The following NEO1 variants were observed in gnomAD, a reference collection of about 807,000 sequenced individuals.
The protein encoded by NEO1 is neogenin.
A neutral mutation model predicts 159.7 loss-of-function variants in NEO1; 63 were observed. The ratio of observed to expected loss-of-function variants is 0.39; its 90% confidence interval spans 0.32 to 0.49. The LOEUF is 0.49. Ranked by LOEUF, NEO1 falls within the 20% of genes least tolerant of loss-of-function variation. NEO1 has a pLI of 0.85. For missense variants in NEO1, 1,615 were observed against 1,831.0 expected (o/e 0.88, Z 2.15); for synonymous variants, 633 against 662.0 (o/e 0.96, Z 0.67).
intron 2 of NEO1, among the ~76,000 whole-genome samples, chr15:73,119,677 G>A (rs988704699): frequency 2.0e-5 from 3 of 152,074 alleles, no homozygotes; most frequent in African/African-American, 7.2e-5. Context: ...AAGCTGCAGC[G>A]TTCCCTGCCT....
intron 1 of NEO1, among the ~76,000 whole-genome samples, chr15:73,072,916 A>G (rs1197423202): frequency 6.6e-6 from 1 of 152,178 alleles, no homozygotes; most frequent in East Asian, 1.9e-4. Context: ...GATGATTCCT[A>G]AGGTTCTTTA....
chr15:73,155,776 C>T (rs961248337), intron 5 of NEO1, among the ~76,000 whole-genome samples: 1 of 152,144 alleles, frequency 6.6e-6, no homozygotes, highest in Non-Finnish European at 1.5e-5. Context: ...TTTTGTAATT[C>T]CTTCAATGAA....
chr15:73,114,204 G>T (rs2071161793), intron 1 of NEO1, among the ~76,000 whole-genome samples: 1 of 152,170 alleles, frequency 6.6e-6, no homozygotes, highest in Admixed American at 6.5e-5. Context: ...AGGAGTGGTG[G>T]TGGGAATAGC....
At chr15:73,138,223 G>A (rs2151759105) in intron 5 of NEO1, among the ~76,000 whole-genome samples, 1 of 152,252 alleles carries the variant, frequency 6.6e-6, no homozygotes, top group African/African-American at 2.4e-5. Flanking sequence ...AAAAAGATTG[G>A]ATTGTACCTA....
chr15:73,127,174 T>A (rs1161380771), intron 4 of NEO1, among the ~76,000 whole-genome samples: 2 of 150,984 alleles, frequency 1.3e-5, no homozygotes, highest in Non-Finnish European at 2.9e-5. Context: ...AAGGTTGCAG[T>A]GACCTGAGAT....
intron 23 of NEO1, among the ~76,000 whole-genome samples, chr15:73,283,775 C>G (rs1469792806): frequency 6.6e-6 from 1 of 152,174 alleles, no homozygotes; most frequent in Admixed American, 6.5e-5. Context: ...ACCCGATGCC[C>G]AGGAGTCTGT....
At chr15:73,205,124 A>G (rs2037138064) in intron 7 of NEO1, among the ~76,000 whole-genome samples, 1 of 152,144 alleles carries the variant, frequency 6.6e-6, no homozygotes, top group Admixed American at 6.5e-5. Context: ...TGTGAGGGAG[A>G]AGGACATGCT....
intron 5 of NEO1, among the ~76,000 whole-genome samples, chr15:73,158,837 T>C (rs2033966519): frequency 6.6e-6 from 1 of 152,202 alleles, no homozygotes; most frequent in African/African-American, 2.4e-5. Context: ...AGATATTCTA[T>C]GCCTGTTCAA....
chr15:73,292,511 G>C (rs1192375658), intron 25 of NEO1, among the ~76,000 whole-genome samples: 1 of 152,122 alleles, frequency 6.6e-6, no homozygotes, highest in Non-Finnish European at 1.5e-5. Context: ...CAGACTCTGG[G>C]CTTCTAATTT....
At chr15:73,227,038 A>G (rs2038628456) in intron 7 of NEO1, among the ~76,000 whole-genome samples, 2 of 152,230 alleles carry the variant, frequency 1.3e-5, no homozygotes, top group Non-Finnish European at 2.9e-5. Flanking sequence ...AAACTTTCAA[A>G]TACATGTATT....
At position 73,052,713 on chromosome 15, in the gene NEO1, C is replaced by A. The variant is rs779668898; in HGVS notation, c.38C>A (p.Thr13Asn). Residue 13 changes from threonine (T) to asparagine (N), a missense_variant, in exon 1 of 29, where the codon ACC (threonine) becomes AAC (asparagine). By Grantham distance (65) the Thr-to-Asn change is moderately conservative. Transcript: ENST00000261908. ...CGGGGAGCCCGGCGACTCCTCAGCA[C>A]CCCCTCCTTCTGGCTCTACTGCCTG... is the stretch of plus-strand genomic sequence containing the variant. ...AERGARRLLS[T>N]PSFWLYCLLL... is the part of the protein sequence containing the mutation. 6.9e-5 allele frequency: 94 copies of A among 1,361,872 alleles called. No homozygotes were observed. In the African/African-American group the frequency reaches 1.1e-3, roughly 16 times the overall value. 84.4% of individuals were successfully genotyped at this position (1,361,872 alleles called of 1,614,324 possible).
chr15:73,272,385 G>T, intron 18 of NEO1, 70 bp from the exon 19 acceptor site: 1 of 1,191,130 alleles, frequency 8.4e-7, no homozygotes, highest in South Asian at 1.4e-5. Flanking sequence ...CTTACAAGTG[G>T]AAAAGGTTGA....
chr15:73,066,035 C>CTT lies in NEO1; in HGVS notation c.130+13243_130+13244dup, dbSNP rs11400510. 5.3e-3 allele frequency among the ~76,000 whole-genome samples: 734 copies of CTT among 139,760 alleles called. 6 individuals carry two copies. The highest frequency in any genetic ancestry group is 0.041 in the Middle Eastern group (11 of 268). 91.7% of individuals were successfully genotyped at this position (139,760 alleles called of 152,430 possible). A position where few individuals can be genotyped will look rare whatever the true frequency, so the allele number is the denominator to read the frequency against. ...TTCTTTTTATTTCTTTCTTTCTTTT[C>CTT]TTTTTTTTTTTTTTGAGACGGAGTC... On this transcript the variant is annotated intron_variant, in intron 1 of 28. Transcript: ENST00000261908.
rs75145677 is a variant in NEO1, at chr15:73,075,484, A to C, written c.130+22679A>C. ...TTATGTATGCCAACTTTATAAAATG[A>C]AAAAATGCTAATGATCCATCACGAG... is the stretch of plus-strand genomic sequence containing the variant. On this transcript the variant is annotated intron_variant, in intron 1 of 28. Coordinates refer to ENST00000261908, the MANE Select transcript of NEO1 (RefSeq NM_002499.4). Among the ~76,000 whole-genome samples the C allele has an allele frequency of 8.6e-3, 1,307 of 152,330 alleles. 46 individuals carry two copies. The highest frequency in any genetic ancestry group is 0.065 in the Admixed American group (992 of 15,298).
Position 73,298,626 on chromosome 15 carries a change from C to CAGCACACCTGGAGGG in NEO1, c.4165+29_4165+43dup, listed in dbSNP as rs1382424373. 6.2e-7 allele frequency: 1 copy of CAGCACACCTGGAGGG among 1,613,828 alleles called. No individual in the cohort carries two copies. The highest frequency in any genetic ancestry group is 8.5e-7 in the Non-Finnish European group (1 of 1,179,796). On this transcript the variant is annotated intron_variant, in intron 27 of 28. Transcript: ENST00000261908. ...GTCCCAGCAAGGTGAGTGAGGATGG[C>CAGCACACCTGGAGGG]AGCACACCTGGAGGGAGCACACCTG...
At chr15:73,164,210 G>GTT (rs35133349) in intron 5 of NEO1, among the ~76,000 whole-genome samples, 2,500 of 125,220 alleles carry the variant, frequency 0.02, 37 homozygotes, top group African/African-American at 0.036. Context: ...ATTATTATTG[G>GTT]TTTTTTTTTT....
At position 73,278,138 on chromosome 15, in the gene NEO1, G is replaced by T; in HGVS notation, c.3201G>T (p.Gly1067=). ...TGATTTCTTCTCCTTTAGCCTCAGG[G>T]TCTGGAGGGAAAGGAAGCCGGCTGC... The part of the protein sequence containing the change: ...SDKMPNDQAS[G]SGGKGSRLPD... The change falls in exon 22 of 29, where the codon GGG becomes GGT. Residue 1067 remains glycine (G), a synonymous_variant. Coordinates refer to ENST00000261908, the MANE Select transcript of NEO1 (RefSeq NM_002499.4). 1 of 1,612,700 alleles carries T rather than the reference G, an allele frequency of 6.2e-7. No homozygotes were observed. Among genetic ancestry groups the T allele is most frequent in the Non-Finnish European group, 8.5e-7 (1 of 1,178,922 alleles).
At chr15:73,184,901 C>G (rs1421309106) in intron 7 of NEO1, among the ~76,000 whole-genome samples, 3 of 151,908 alleles carry the variant, frequency 2.0e-5, no homozygotes, top group African/African-American at 7.3e-5. Context: ...GCACTCCAGC[C>G]TGGGTGACAG....
At chr15:73,262,541 A>T (rs551440016) in intron 15 of NEO1, among the ~76,000 whole-genome samples, 1 of 152,328 alleles carries the variant, frequency 6.6e-6, no homozygotes, top group African/African-American at 2.4e-5. Context: ...ATGCAAATTA[A>T]ACCCACAATG....
Sources: gnomAD v4.1 joint callset for allele counts (sites outside exome capture counted in the v4.1 genomes callset) on GRCh38, gnomAD v4.1.1 for gene constraint, MANE v1.5 for transcripts, NCBI Gene and HGNC (gene_info 2026-07-23, HGNC 2026-07-21) for gene names.